NXN: variants seen among roughly 807,000 people sequenced by gnomAD.
The protein encoded by NXN is nucleoredoxin 1.
In NXN, 16 loss-of-function variants were observed where a neutral mutation model predicts 48.6. That is an observed-to-expected ratio of 0.33 (90% CI 0.22 to 0.50). The LOEUF is 0.50. NXN is among the 20% of genes least tolerant of loss of function. NXN has a pLI of 0.98. For missense variants in NXN, 492 were observed against 605.5 expected (o/e 0.81, Z 1.97); for synonymous variants, 281 against 269.6 (o/e 1.04, Z -0.41).
At chr17:844,285 C>T (rs1185068722) in intron 1 of NXN, among the ~76,000 whole-genome samples, 1 of 133,444 alleles carries the variant, frequency 7.5e-6, no homozygotes, top group Non-Finnish European at 1.6e-5. Context: ...TGGAAGGTGG[C>T]GGCCAGGCCA....
At chr17:943,446 G>A (rs753011728) in intron 1 of NXN, among the ~76,000 whole-genome samples, 9 of 152,140 alleles carry the variant, frequency 5.9e-5, no homozygotes, top group Admixed American at 2.0e-4. Flanking sequence ...CCCACGTGCC[G>A]TAACTTTCTA....
At chr17:863,760 G>A (rs2068065714) in intron 1 of NXN, 4 of 606,774 alleles carry the variant, frequency 6.6e-6, no homozygotes, top group South Asian at 5.8e-5. Context: ...TCTGCACCTG[G>A]CTGACACTGT....
intron 1 of NXN, among the ~76,000 whole-genome samples, chr17:976,950 G>A (rs988281052): frequency 6.6e-6 from 1 of 152,112 alleles, no homozygotes. Context: ...ATTTTTAGTA[G>A]AGACGGGGTT....
At chr17:911,313 G>GTTTCTCCA (rs1430423863) in intron 1 of NXN, 1 of 137,198 alleles carries the variant, frequency 7.3e-6, no homozygotes, top group Non-Finnish European at 1.6e-5. Context: ...GGAACAGTCT[G>GTTTCTCCA]TTTCTCCATT....
intron 1 of NXN, among the ~76,000 whole-genome samples, chr17:944,217 A>C (rs1567512922): frequency 6.6e-6 from 1 of 152,200 alleles, no homozygotes; most frequent in Non-Finnish European, 1.5e-5. Context: ...CCAGCCTGGA[A>C]AACAAGAGCG....
rs555894322 is a variant in NXN at position 958,228 on chromosome 17, G to A, written c.360+21091C>T. ...CAGAAGGCTTTTCTTGCAGGAGGTG[G>A]CTGCCAGCTTGTCCCTTCCCCGGTG... On this transcript the variant is annotated intron_variant, in intron 1 of 7. Transcript: ENST00000336868. The surrounding 1 kb of genome is among the most constrained non-coding windows in gnomAD (Gnocchi z 6.9). Among the ~76,000 whole-genome samples the A allele has an allele frequency of 6.6e-6, 1 of 152,258 alleles. No homozygotes were observed. Among genetic ancestry groups the A allele is most frequent in the East Asian group, 1.9e-4 (1 of 5,186 alleles).
At chr17:815,878 A>G (rs1338878023) in intron 5 of NXN, among the ~76,000 whole-genome samples, 1 of 152,234 alleles carries the variant, frequency 6.6e-6, no homozygotes, top group African/African-American at 2.4e-5. Context: ...GTGCACACAC[A>G]GAGGCCAGTA....
intron 5 of NXN, among the ~76,000 whole-genome samples, chr17:818,925 A>G (rs1019666890): frequency 2.0e-5 from 3 of 151,918 alleles, no homozygotes; most frequent in African/African-American, 7.3e-5. Flanking sequence ...AGTGAGAAGT[A>G]GCTGTCTTAC....
chr17:951,470 C>T (rs1239306796), intron 1 of NXN, among the ~76,000 whole-genome samples: 1 of 149,508 alleles, frequency 6.7e-6, no homozygotes, highest in Non-Finnish European at 1.5e-5. Context: ...CCTGATCTCT[C>T]TGTTGAGATG....
intron 1 of NXN, chr17:842,455 G>A (rs1011433375): frequency 6.4e-5 from 60 of 939,200 alleles, no homozygotes; most frequent in African/African-American, 2.9e-4. Flanking sequence ...TGATCCCGGC[G>A]GGGAAGGCCA....
intron 1 of NXN, among the ~76,000 whole-genome samples, chr17:875,344 T>G (rs949207740): frequency 6.6e-6 from 1 of 152,000 alleles, no homozygotes; most frequent in Non-Finnish European, 1.5e-5. Context: ...ATACTACCTC[T>G]TTTAATCCTC....
At chr17:844,432 G>A (rs2067837503) in intron 1 of NXN, among the ~76,000 whole-genome samples, 2 of 151,516 alleles carry the variant, frequency 1.3e-5, no homozygotes, top group Non-Finnish European at 1.5e-5. Flanking sequence ...TGGAAGGTGG[G>A]AGATGTCACC....
intron 5 of NXN, among the ~76,000 whole-genome samples, chr17:810,357 CCG>C (rs1911911592): frequency 6.6e-6 from 1 of 151,882 alleles, no homozygotes. Flanking sequence ...CGTTAAGAGT[CCG>C]TGTGAGTTGC....
At chr17:813,771 A>G (rs1912310057) in intron 5 of NXN, among the ~76,000 whole-genome samples, 1 of 150,692 alleles carries the variant, frequency 6.6e-6, no homozygotes, top group Admixed American at 6.6e-5. Flanking sequence ...GTTTGAGACC[A>G]GCCTGGTCAA....
intron 1 of NXN, among the ~76,000 whole-genome samples, chr17:910,367 G>A (rs1271772629): frequency 6.6e-6 from 1 of 151,374 alleles, no homozygotes; most frequent in South Asian, 2.1e-4. Flanking sequence ...AGCCGAGATC[G>A]CGCCGCTGCA....
At chr17:860,586 G>A (rs1434856322) in intron 1 of NXN, among the ~76,000 whole-genome samples, 1 of 141,808 alleles carries the variant, frequency 7.1e-6, no homozygotes, top group Non-Finnish European at 1.5e-5. Flanking sequence ...TAGAGACAGG[G>A]TTTCGCCATC....
At chr17:941,224 C>A (rs1295142601) in intron 1 of NXN, among the ~76,000 whole-genome samples, 1 of 118,834 alleles carries the variant, frequency 8.4e-6, no homozygotes. Flanking sequence ...ATGAATTCAC[C>A]AAACACCTTC....
chr17:917,232 C>T lies in NXN; in HGVS notation c.360+62087G>A, dbSNP rs908398234. ...CCTCGGCTCGCCGTGGCCTCCGCCT[C>T]GCGGGTTCAAGCGATTCTCCTGCCT... is the stretch of plus-strand genomic sequence containing the variant. On this transcript the variant is annotated intron_variant, in intron 1 of 7. Transcript: ENST00000336868. The surrounding 1 kb of genome is among the most constrained non-coding windows in gnomAD (Gnocchi z 4.5). Among the ~76,000 whole-genome samples, 16 of 152,148 alleles carry T rather than the reference C, an allele frequency of 1.1e-4. No homozygotes were observed. The highest frequency in any genetic ancestry group is 3.4e-3 in the Middle Eastern group (1 of 294).
chr17:885,407 G>T (rs1407757288), intron 1 of NXN, among the ~76,000 whole-genome samples: 1 of 151,812 alleles, frequency 6.6e-6, no homozygotes, highest in East Asian at 1.9e-4. Context: ...AACCCGGGAG[G>T]TGGAGGTTGC....
Sources: gnomAD v4.1 joint callset for allele counts (sites outside exome capture counted in the v4.1 genomes callset) on GRCh38, gnomAD v4.1.1 for gene constraint, Gnocchi (gnomAD v3.1) non-coding constraint, MANE v1.5 for transcripts, NCBI Gene and HGNC (gene_info 2026-07-23, HGNC 2026-07-21) for gene names.